Variants in RASAL2 observed in about 807,000 individuals in gnomAD.
RASAL2 encodes the protein RAS protein activator like 2.
Under a neutral mutation model 128.9 loss-of-function variants are expected in RASAL2, and 58 were observed. The ratio of observed to expected loss-of-function variants is 0.45; its 90% CI spans 0.36 to 0.56. The LOEUF (loss-of-function observed/expected upper bound fraction) is 0.56. RASAL2 is among the 20% of genes least tolerant of loss of function. The probability of loss-of-function intolerance (pLI) is 0.00; values close to 1 mark genes in which losing one functional copy is unlikely to be tolerated. For missense variants in RASAL2, 1,360 were observed against 1,601.6 expected (o/e 0.85, Z 2.57); for synonymous variants, 561 against 580.8 (o/e 0.97, Z 0.49).
chr1:178,167,095 T>C (rs1034888334), intron 1 of RASAL2, among the ~76,000 whole-genome samples: 1 of 152,162 alleles, frequency 6.6e-6, no homozygotes, highest in Non-Finnish European at 1.5e-5. Context: ...ACTTTCCTCC[T>C]GTAACAAGAT....
At chr1:178,145,148 G>C (rs1474438874) in intron 1 of RASAL2, among the ~76,000 whole-genome samples, 1 of 152,028 alleles carries the variant, frequency 6.6e-6, no homozygotes, top group Non-Finnish European at 1.5e-5. Flanking sequence ...TTTACAAATG[G>C]ATAGTGATGT....
At chr1:178,099,723 G>C (rs1043447021) in intron 1 of RASAL2, among the ~76,000 whole-genome samples, 1 of 152,204 alleles carries the variant, frequency 6.6e-6, no homozygotes, top group African/African-American at 2.4e-5. Context: ...CACTTTGGGA[G>C]GCCGAGGCAG....
At chr1:178,253,451 T>C (rs1480559540) in intron 1 of RASAL2, among the ~76,000 whole-genome samples, 1 of 152,128 alleles carries the variant, frequency 6.6e-6, no homozygotes, top group Non-Finnish European at 1.5e-5. Flanking sequence ...TGTCCCTATA[T>C]TTGAGATTTT....
chr1:178,212,502 G>GT (rs981416672), intron 1 of RASAL2, among the ~76,000 whole-genome samples: 11 of 151,688 alleles, frequency 7.3e-5, no homozygotes, highest in East Asian at 1.9e-4. Context: ...TTTTTTTTCT[G>GT]TTTTTTTGAG....
intron 1 of RASAL2, among the ~76,000 whole-genome samples, chr1:178,259,817 G>A (rs576393618): frequency 6.6e-6 from 1 of 152,096 alleles, no homozygotes; most frequent in Non-Finnish European, 1.5e-5. Context: ...TCCCTCCTTG[G>A]CCTCTCAAAG....
intron 9 of RASAL2, 135 bp downstream of exon 9, chr1:178,445,797 A>G: frequency 3.3e-6 from 3 of 917,958 alleles, no homozygotes. Flanking sequence ...GGTTTGAATC[A>G]TGGCTGTAAG....
At chr1:178,243,286 G>A (rs926781811) in intron 1 of RASAL2, among the ~76,000 whole-genome samples, 2 of 152,106 alleles carry the variant, frequency 1.3e-5, no homozygotes, top group Non-Finnish European at 2.9e-5. Context: ...CCCAAAGCAG[G>A]GAATGAGCTT....
intron 1 of RASAL2, among the ~76,000 whole-genome samples, chr1:178,230,284 T>A (rs1571666120): frequency 6.6e-6 from 1 of 152,196 alleles, no homozygotes; most frequent in African/African-American, 2.4e-5. Context: ...AGTATATATA[T>A]TTTTAATTTC....
intron 2 of RASAL2, among the ~76,000 whole-genome samples, chr1:178,285,410 G>A (rs1015459077): frequency 3.9e-5 from 6 of 152,070 alleles, no homozygotes; most frequent in Non-Finnish European, 8.8e-5. Context: ...ATGAGCCACC[G>A]CGCCCGGCCG....
intron 1 of RASAL2, among the ~76,000 whole-genome samples, chr1:178,117,212 TA>T (rs1429955090): frequency 1.3e-5 from 2 of 151,330 alleles, no homozygotes; most frequent in African/African-American, 2.4e-5. Context: ...ATTTGAGTAA[TA>T]AAGTAATTGA....
chr1:178,339,716 T>G (rs1669770266), intron 3 of RASAL2, among the ~76,000 whole-genome samples: 1 of 152,194 alleles, frequency 6.6e-6, no homozygotes. Flanking sequence ...ATTTCTCCCC[T>G]GTATAAAGAG....
At chr1:178,357,554 G>A (rs1670876989) in intron 3 of RASAL2, among the ~76,000 whole-genome samples, 1 of 151,590 alleles carries the variant, frequency 6.6e-6, no homozygotes, top group South Asian at 2.1e-4. Flanking sequence ...AAAGGTATTT[G>A]GCCTTTTATT....
chr1:178,110,207 A>G (rs751105663), intron 1 of RASAL2, among the ~76,000 whole-genome samples: 1 of 152,132 alleles, frequency 6.6e-6, no homozygotes, highest in African/African-American at 2.4e-5. Context: ...TCCCCAGCCT[A>G]ACACTAGACA....
At chr1:178,434,331 C>G (rs1452532540) in intron 5 of RASAL2, among the ~76,000 whole-genome samples, 1 of 152,092 alleles carries the variant, frequency 6.6e-6, no homozygotes, top group East Asian at 1.9e-4. Context: ...ATCTAGTCTT[C>G]CTTCTGTATC....
At chr1:178,341,633 C>A (rs922863612) in intron 3 of RASAL2, 2 of 1,613,480 alleles carry the variant, frequency 1.2e-6, no homozygotes, top group Non-Finnish European at 1.7e-6. Flanking sequence ...AGTCTGAGAC[C>A]GAAATGAAAA....
intron 1 of RASAL2, among the ~76,000 whole-genome samples, chr1:178,164,510 T>TGCGC (rs1661449968): frequency 1.4e-5 from 2 of 138,788 alleles, no homozygotes; most frequent in African/African-American, 5.2e-5. Context: ...TGTGTGCGTG[T>TGCGC]GTGTGTGTGT....
chr1:178,424,265 C>T (rs1362107501), intron 5 of RASAL2, among the ~76,000 whole-genome samples: 1 of 147,898 alleles, frequency 6.8e-6, no homozygotes, highest in Non-Finnish European at 1.5e-5. Context: ...TTTTTGGATA[C>T]GGAGTCTCAC....
intron 4 of RASAL2, among the ~76,000 whole-genome samples, chr1:178,400,993 CACCT>C (rs2102654924): frequency 1.3e-5 from 2 of 152,316 alleles, no homozygotes; most frequent in East Asian, 3.9e-4. Context: ...TCAGGTGATC[CACCT>C]ACCTTGGCCT....
chr1:178,460,489 T>A (rs945242416), intron 14 of RASAL2, among the ~76,000 whole-genome samples: 3 of 152,162 alleles, frequency 2.0e-5, no homozygotes, highest in African/African-American at 7.2e-5. Flanking sequence ...TACATGTTTC[T>A]GTGGGTTATG....
Sources: allele counts gnomAD v4.1 joint callset (sites outside exome capture counted in the v4.1 genomes callset), GRCh38; gene constraint gnomAD v4.1.1; transcripts MANE v1.5; gene names NCBI Gene and HGNC (gene_info 2026-07-23, HGNC 2026-07-21).